Variants in KLHL32 observed in about 807,000 individuals in gnomAD.
KLHL32 encodes kelch-like protein 32.
KLHL32 carries 35 observed loss-of-function variants against 64.8 expected under a neutral mutation model. That is an observed-to-expected ratio of 0.54 (90% confidence interval 0.41 to 0.72). KLHL32 has a LOEUF of 0.72. KLHL32 is among the 30% of genes least tolerant of loss of function. The probability of loss-of-function intolerance (pLI) is 0.00; values close to 1 mark genes in which losing one functional copy is unlikely to be tolerated. For synonymous variants in KLHL32, 259 were observed against 281.0 expected, an observed-to-expected ratio of 0.92 and a Z score of 0.78; for missense variants, 589 against 768.5, an observed-to-expected ratio of 0.77 and a Z score of 2.76.
At chr6:96,920,467 T>G (rs1294203623), upstream of KLHL32, among the ~76,000 whole-genome samples, 1 of 151,818 alleles carries the variant, frequency 6.6e-6, no homozygotes, top group East Asian at 1.9e-4. Context: ...GGTACTGAGG[T>G]GACATGGAAG....
intron 1 of KLHL32, among the ~76,000 whole-genome samples, chr6:96,953,047 T>TTTA (rs1772823891): frequency 6.6e-6 from 1 of 152,174 alleles, no homozygotes; most frequent in Non-Finnish European, 1.5e-5. Flanking sequence ...GGGAGGCTGA[T>TTTA]TTGAGTAATA....
At chr6:96,955,113 G>GCCAC (rs1177598335) in intron 1 of KLHL32, among the ~76,000 whole-genome samples, 1 of 152,036 alleles carries the variant, frequency 6.6e-6, no homozygotes, top group African/African-American at 2.4e-5. Flanking sequence ...TCATGAGTGC[G>GCCAC]CCACTGTCAT....
At position 97,057,477 on chromosome 6, in the gene KLHL32, C is replaced by T. The variant is rs1325792511; in HGVS notation, c.313-7151C>T. Among the ~76,000 whole-genome samples the T allele has an allele frequency of 9.0e-5, 8 of 89,144 alleles. 1 individual carries two copies. Among genetic ancestry groups the T allele is most frequent in the Admixed American group, 7.3e-4 (5 of 6,816 alleles). 58.5% of individuals were successfully genotyped at this position (89,144 alleles called of 152,430 possible). A position where few individuals can be genotyped will look rare whatever the true frequency, so the allele number is the denominator to read the frequency against. On this transcript the variant is annotated intron_variant, in intron 4 of 10. Transcript: ENST00000369261. ...GATTACAGGCGTGAGCCACCGCGCC[C>T]GGCCGAGTATCTTTTTATATGCTTA...
intron 1 of KLHL32, among the ~76,000 whole-genome samples, chr6:96,950,247 A>T (rs1253114922): frequency 6.6e-6 from 1 of 151,830 alleles, no homozygotes; most frequent in East Asian, 1.9e-4. Flanking sequence ...AAAAACCATT[A>T]GCTCTCTAAA....
intron 5 of KLHL32, among the ~76,000 whole-genome samples, chr6:97,068,146 T>C (rs903789169): frequency 6.6e-6 from 1 of 152,204 alleles, no homozygotes; most frequent in African/African-American, 2.4e-5. Flanking sequence ...TTGATGAAGA[T>C]GTCTCTTTTT....
At chr6:97,047,089 C>T (rs1224832971) in intron 4 of KLHL32, among the ~76,000 whole-genome samples, 1 of 152,192 alleles carries the variant, frequency 6.6e-6, no homozygotes, top group Non-Finnish European at 1.5e-5. Flanking sequence ...GTGCGTGTTC[C>T]TCCTACACAT....
intron 7 of KLHL32, among the ~76,000 whole-genome samples, chr6:97,118,195 A>G (rs111632864): frequency 2.6e-4 from 40 of 152,358 alleles, no homozygotes; most frequent in African/African-American, 8.9e-4. Flanking sequence ...AAATAACTTC[A>G]ATTTATTCAA....
the KLHL32 span, among the ~76,000 whole-genome samples, chr6:96,902,265 T>C: frequency 6.6e-6 from 1 of 152,174 alleles, no homozygotes; most frequent in Non-Finnish European, 1.5e-5. Flanking sequence ...GTTTTTGTTT[T>C]TGTTTTGACA....
chr6:96,948,339 C>T (rs1772167373), intron 1 of KLHL32, among the ~76,000 whole-genome samples: 1 of 151,994 alleles, frequency 6.6e-6, no homozygotes, highest in Non-Finnish European at 1.5e-5. Flanking sequence ...CTTGGTAGAT[C>T]ATCATAGTTG....
chr6:97,071,223 C>A (rs1385967343), intron 5 of KLHL32, among the ~76,000 whole-genome samples: 16 of 152,160 alleles, frequency 1.1e-4, no homozygotes. Flanking sequence ...GCCTTCATTA[C>A]TCCTCAAAAG....
At chr6:96,929,291 C>T (rs1008370257) in intron 1 of KLHL32, among the ~76,000 whole-genome samples, 18 of 152,120 alleles carry the variant, frequency 1.2e-4, no homozygotes, top group Non-Finnish European at 2.6e-4. Flanking sequence ...ATTTGCTCTT[C>T]ACAGATATAT....
chr6:97,080,956 T>A (rs928232338), intron 5 of KLHL32, among the ~76,000 whole-genome samples: 2 of 152,216 alleles, frequency 1.3e-5, no homozygotes, highest in African/African-American at 4.8e-5. Flanking sequence ...TTGCTCATGC[T>A]GCTTCTTTGG....
chr6:96,913,258 T>G, the KLHL32 span, among the ~76,000 whole-genome samples: 1 of 152,254 alleles, frequency 6.6e-6, no homozygotes, highest in Non-Finnish European at 1.5e-5. Flanking sequence ...ATATCCTATT[T>G]GAGAGCAGAA....
chr6:97,047,477 A>G (rs1283067644), intron 4 of KLHL32, among the ~76,000 whole-genome samples: 1 of 152,188 alleles, frequency 6.6e-6, no homozygotes, highest in Non-Finnish European at 1.5e-5. Flanking sequence ...ATGGTGACAT[A>G]AACTGACTCT....
At chr6:97,129,734 C>T (rs1330369076) in intron 8 of KLHL32, among the ~76,000 whole-genome samples, 6 of 151,982 alleles carry the variant, frequency 3.9e-5, no homozygotes, top group Admixed American at 3.9e-4. Flanking sequence ...ATACAAAAAT[C>T]AGCCAGGTTT....
intron 5 of KLHL32, among the ~76,000 whole-genome samples, chr6:97,079,008 T>C (rs1015695139): frequency 2.0e-5 from 3 of 152,212 alleles, no homozygotes; most frequent in Non-Finnish European, 4.4e-5. Context: ...ACACAGCTCT[T>C]GAGCGTGACA....
At chr6:97,053,473 ATTACT>A (rs1277341257) in intron 4 of KLHL32, among the ~76,000 whole-genome samples, 2 of 152,158 alleles carry the variant, frequency 1.3e-5, no homozygotes, top group East Asian at 1.9e-4. Flanking sequence ...ATAAAAAGAA[ATTACT>A]TTATCTTTGA....
chr6:96,999,986 C>T (rs548533580), intron 3 of KLHL32, among the ~76,000 whole-genome samples: 1 of 152,070 alleles, frequency 6.6e-6, no homozygotes, highest in Non-Finnish European at 1.5e-5. Context: ...GGAAAGAGAG[C>T]AGGAAAAGAA....
At chr6:96,954,574 A>G (rs936524761) in intron 1 of KLHL32, among the ~76,000 whole-genome samples, 2 of 152,134 alleles carry the variant, frequency 1.3e-5, no homozygotes, top group African/African-American at 4.8e-5. Flanking sequence ...TCCCTGGATT[A>G]TATAAACCTA....
Sources: gnomAD v4.1 joint callset for allele counts (sites outside exome capture counted in the v4.1 genomes callset) on GRCh38, gnomAD v4.1.1 for gene constraint, MANE v1.5 for transcripts, NCBI Gene and HGNC (gene_info 2026-07-23, HGNC 2026-07-21) for gene names.